RORA: variants seen among roughly 807,000 people sequenced by gnomAD.
The protein encoded by RORA is nuclear receptor ROR-alpha.
RORA carries 7 observed loss-of-function variants against 69.5 expected under a neutral mutation model. The observed-to-expected ratio is 0.10, with a 90% CI of 0.06 to 0.19. RORA has a LOEUF of 0.19. Ranked by LOEUF, RORA falls within the 10% of genes least tolerant of loss-of-function variation. RORA has a pLI of 1.00. For missense variants in RORA, 457 were observed against 663.0 expected, an observed-to-expected ratio of 0.69 and a Z score of 3.41; for synonymous variants, 261 against 240.8, an observed-to-expected ratio of 1.08 and a Z score of -0.78.
rs1270116634 is a variant in RORA at position 60,749,527 on chromosome 15, A to C, written c.167-70841T>G. Among the ~76,000 whole-genome samples, 3 of 152,346 alleles carry C rather than the reference A, an allele frequency of 2.0e-5. No individual in the cohort carries two copies. In the South Asian group the frequency reaches 6.2e-4, roughly 32 times the overall value. ...GAGAGGGAGAATAAGTTGATGATCA[A>C]TTTAAGTAACCCTTACATTAATGGA... is the stretch of plus-strand genomic sequence containing the variant. On this transcript the variant is annotated intron_variant, in intron 1 of 10. Coordinates refer to ENST00000335670, the MANE Select transcript of RORA (RefSeq NM_134261.3).
intron 1 of RORA, among the ~76,000 whole-genome samples, chr15:60,780,081 G>C (rs753929520): frequency 6.6e-6 from 1 of 152,122 alleles, no homozygotes; most frequent in Non-Finnish European, 1.5e-5. Flanking sequence ...GGAGAGGGTG[G>C]GGAGGAGGAG....
chr15:60,563,771 A>G (rs2067642316), intron 2 of RORA, among the ~76,000 whole-genome samples: 1 of 151,920 alleles, frequency 6.6e-6, no homozygotes, highest in Non-Finnish European at 1.5e-5. Context: ...TGTTTATCAG[A>G]GGACACATCT....
At position 61,083,864 on chromosome 15, in the gene RORA, G is replaced by A. The variant is rs983199611; in HGVS notation, c.166+145189C>T. 4.6e-5 allele frequency among the ~76,000 whole-genome samples: 7 copies of A among 152,078 alleles called. No individual in the cohort carries two copies. In the South Asian group the frequency reaches 8.3e-4, roughly 18 times the overall value. ...AGGAAAACAGAGGGAGAACATAAAA[G>A]GAGGGGAAAAAAGGAGTCCTTTCTG... On this transcript the variant is annotated intron_variant, in intron 1 of 10. Coordinates refer to ENST00000335670, the MANE Select transcript of RORA (RefSeq NM_134261.3).
At chr15:61,140,997 A>G (rs2079292460) in intron 1 of RORA, among the ~76,000 whole-genome samples, 1 of 152,188 alleles carries the variant, frequency 6.6e-6, no homozygotes, top group Non-Finnish European at 1.5e-5. Context: ...CTCCTTTCAG[A>G]ACCCTAAATC....
rs547816171 is a variant in RORA at position 61,139,784 on chromosome 15, GGAGAA to G, written c.166+89264_166+89268del. On this transcript the variant is annotated intron_variant, in intron 1 of 10. Transcript: ENST00000335670. ...GACAGAGTGAGTTTAAGATCTGATA[GGAGAA>G]AAGAACCCAAAAATAAATCACAAGA... 4.9e-3 allele frequency among the ~76,000 whole-genome samples: 753 copies of G among 152,296 alleles called. 7 individuals carry two copies. Among genetic ancestry groups the G allele is most frequent in the African/African-American group, 0.017 (717 of 41,566 alleles).
At chr15:60,507,475 G>A (rs927668255) in intron 5 of RORA, among the ~76,000 whole-genome samples, 3 of 152,036 alleles carry the variant, frequency 2.0e-5, no homozygotes, top group African/African-American at 7.2e-5. Context: ...GCAACACATA[G>A]ACACTAAAAC....
chr15:60,978,100 C>T (rs527685100), intron 1 of RORA, among the ~76,000 whole-genome samples: 8 of 151,676 alleles, frequency 5.3e-5, no homozygotes, highest in Non-Finnish European at 1.0e-4. Context: ...GTTCTAATTA[C>T]TTCACATCTT....
intron 3 of RORA, among the ~76,000 whole-genome samples, chr15:60,515,762 G>T (rs888420786): frequency 1.4e-5 from 2 of 145,816 alleles, no homozygotes; most frequent in Admixed American, 7.2e-5. Flanking sequence ...CGGGGGAGGG[G>T]GCAGGGTCTT....
At chr15:60,712,692 A>G (rs2140810981) in intron 1 of RORA, among the ~76,000 whole-genome samples, 1 of 152,312 alleles carries the variant, frequency 6.6e-6, no homozygotes, top group East Asian at 1.9e-4. Context: ...CAAACTGCAC[A>G]AGACTCAACA....
At chr15:60,507,918 T>C (rs1247166249) in intron 5 of RORA, among the ~76,000 whole-genome samples, 1 of 152,196 alleles carries the variant, frequency 6.6e-6, no homozygotes, top group Non-Finnish European at 1.5e-5. Flanking sequence ...TGGCCACTTA[T>C]CCCTACCTAT....
At chr15:60,786,242 C>A (rs2072332689) in intron 1 of RORA, among the ~76,000 whole-genome samples, 1 of 152,244 alleles carries the variant, frequency 6.6e-6, no homozygotes, top group Non-Finnish European at 1.5e-5. Flanking sequence ...CTAAATACAT[C>A]TGTCCCTCCA....
In RORA at chr15:61,229,226, C is replaced by A; in HGVS notation, c.-8G>T. The A allele has an allele frequency of 2.2e-6, 3 of 1,337,682 alleles. No homozygotes were observed. In the South Asian group the frequency reaches 3.9e-5, roughly 18 times the overall value. The allele number at this position is 1,337,682 out of a possible 1,614,324, so 82.9% of individuals were successfully genotyped here. A position where few individuals can be genotyped will look rare whatever the true frequency, so the allele number is the denominator to read the frequency against. ...TGCCGGAGCTGACTCCATGTTTTTT[C>A]CCAATGTAGAGATCGCTGGAGATGG... On this transcript the variant is annotated 5_prime_UTR_variant, in exon 1 of 11. Coordinates refer to ENST00000335670, the MANE Select transcript of RORA (RefSeq NM_134261.3).
At chr15:60,776,643 G>A (rs139593167) in intron 1 of RORA, among the ~76,000 whole-genome samples, 1 of 152,330 alleles carries the variant, frequency 6.6e-6, no homozygotes, top group East Asian at 1.9e-4. Flanking sequence ...AGCCGTGGCT[G>A]TAAAAGGTAA....
At chr15:60,942,897 C>A (rs1180246156) in intron 1 of RORA, among the ~76,000 whole-genome samples, 3 of 152,200 alleles carry the variant, frequency 2.0e-5, no homozygotes, top group African/African-American at 7.2e-5. Context: ...ATAAAGCTAA[C>A]AATATTATCA....
chr15:60,581,350 G>A (rs181925437), intron 2 of RORA, among the ~76,000 whole-genome samples: 2 of 152,240 alleles, frequency 1.3e-5, no homozygotes, highest in Non-Finnish European at 2.9e-5. Context: ...TCTGTTTTAC[G>A]AGATTTTGCT....
chr15:60,916,964 T>C (rs1891890695), intron 1 of RORA, among the ~76,000 whole-genome samples: 1 of 152,216 alleles, frequency 6.6e-6, no homozygotes, highest in Non-Finnish European at 1.5e-5. Context: ...ACACTGTTAG[T>C]GTTGACAGGG....
intron 1 of RORA, among the ~76,000 whole-genome samples, chr15:60,984,358 C>T (rs1894131943): frequency 6.6e-6 from 1 of 151,674 alleles, no homozygotes; most frequent in Admixed American, 6.6e-5. Flanking sequence ...AAAAAAGAAT[C>T]GTGACAATAG....
At chr15:60,577,248 C>T (rs2068051730) in intron 2 of RORA, among the ~76,000 whole-genome samples, 1 of 152,198 alleles carries the variant, frequency 6.6e-6, no homozygotes, top group Non-Finnish European at 1.5e-5. Flanking sequence ...TCTATTGTTA[C>T]CTTGTGCTTT....
intron 1 of RORA, among the ~76,000 whole-genome samples, chr15:60,858,860 C>A (rs992906486): frequency 1.3e-5 from 2 of 152,126 alleles, no homozygotes; most frequent in African/African-American, 2.4e-5. Flanking sequence ...TGGTGCTTCT[C>A]CCGAATCCAC....
Sources: gnomAD v4.1 joint callset for allele counts (sites outside exome capture counted in the v4.1 genomes callset) on GRCh38, gnomAD v4.1.1 for gene constraint, MANE v1.5 for transcripts, NCBI Gene and HGNC (gene_info 2026-07-23, HGNC 2026-07-21) for gene names.